TRIM44: variants seen among roughly 807,000 people sequenced by gnomAD.
TRIM44 encodes the protein tripartite motif containing 44, also known as tripartite motif-containing protein 44.
A neutral mutation model predicts 37.4 loss-of-function variants in TRIM44; 13 were observed. The observed-to-expected ratio is 0.35, with a 90% CI of 0.23 to 0.55. The LOEUF is 0.55. Ranked by LOEUF, TRIM44 falls within the 20% of genes least tolerant of loss-of-function variation. The probability of loss-of-function intolerance (pLI) is 0.89; values close to 1 mark genes in which losing one functional copy is unlikely to be tolerated. For missense variants in TRIM44, 426 were observed against 437.2 expected, an observed-to-expected ratio of 0.97 and a Z score of 0.23; for synonymous variants, 175 against 157.2, an observed-to-expected ratio of 1.11 and a Z score of -0.85.
rs373848899 is a variant in TRIM44, at chr11:35,772,892, T to C, written c.1008-33466T>C. On this transcript the variant is annotated intron_variant, in intron 4 of 4. Coordinates refer to ENST00000299413, the MANE Select transcript of TRIM44 (RefSeq NM_017583.6). The stretch of plus-strand genomic sequence containing the variant: ...ATGATTGGTTTTGAAATGTGAGGAC[T>C]TGAGATTTAAAGGGGACAAGGGCAG... Among the ~76,000 whole-genome samples the C allele has an allele frequency of 1.8e-3, 275 of 152,314 alleles. 1 individual carries two copies. The highest frequency in any genetic ancestry group is 6.8e-3 in the Middle Eastern group (2 of 292).
At chr11:35,735,385 A>G in intron 3 of TRIM44, 41 bp from the exon 4 acceptor site, 1 of 1,610,914 alleles carries the variant, frequency 6.2e-7, no homozygotes, top group Non-Finnish European at 8.5e-7. Flanking sequence ...GTCTGTACCA[A>G]CAGTGATTTC....
intron 4 of TRIM44, among the ~76,000 whole-genome samples, chr11:35,803,501 C>A (rs1187532454): frequency 6.6e-6 from 1 of 152,054 alleles, no homozygotes; most frequent in Admixed American, 6.6e-5. Context: ...GAGACTGGGG[C>A]AGGCGGAATC....
rs79105110 is a variant in TRIM44, at chr11:35,792,739, C to G, written c.1008-13619C>G. 5.7e-3 allele frequency among the ~76,000 whole-genome samples: 863 copies of G among 152,290 alleles called. 5 individuals carry two copies. Among genetic ancestry groups the G allele is most frequent in the Non-Finnish European group, 8.7e-3 (594 of 68,024 alleles). ...CTCCAAAGAGCTCAAGTGACAAAGA[C>G]TGACTTTTACAACATAACGGTGCTG... On this transcript the variant is annotated intron_variant, in intron 4 of 4. Transcript: ENST00000299413.
chr11:35,764,784 C>T (rs1415144433), intron 4 of TRIM44, among the ~76,000 whole-genome samples: 1 of 152,096 alleles, frequency 6.6e-6, no homozygotes, highest in Non-Finnish European at 1.5e-5. Flanking sequence ...AACTGTGCTT[C>T]CAGGAAACAG....
chr11:35,797,376 G>A (rs183416513), intron 4 of TRIM44, among the ~76,000 whole-genome samples: 21 of 152,320 alleles, frequency 1.4e-4, no homozygotes, highest in African/African-American at 4.6e-4. Context: ...AATGTATGTA[G>A]ATATTTCACC....
intron 2 of TRIM44, among the ~76,000 whole-genome samples, chr11:35,720,170 G>A (rs995663827): frequency 6.6e-6 from 1 of 152,060 alleles, no homozygotes; most frequent in African/African-American, 2.4e-5. Context: ...TCTCAACATG[G>A]AATGTCTATT....
intron 2 of TRIM44, among the ~76,000 whole-genome samples, chr11:35,708,676 C>G (rs1266415966): frequency 6.6e-6 from 1 of 151,640 alleles, no homozygotes; most frequent in Non-Finnish European, 1.5e-5. Context: ...AAACCAAACA[C>G]TGCATATTCT....
Position 35,808,606 on chromosome 11 carries a change from A to G in TRIM44, c.*2221A>G, listed in dbSNP as rs1156520818. 3.3e-5 allele frequency: 5 copies of G among 152,196 alleles called. No homozygotes were observed. Among genetic ancestry groups the G allele is most frequent in the Admixed American group, 6.5e-5 (1 of 15,278 alleles). 9.4% of individuals were successfully genotyped at this position (152,196 alleles called of 1,614,324 possible). ...AATGGAAATATAAAAATATTTGCCAACCTGTCTCAGTAACTTATCATATCT... is the reference window on the plus strand; with the variant it reads ...AATGGAAATATAAAAATATTTGCCAGCCTGTCTCAGTAACTTATCATATCT... On this transcript the variant is annotated 3_prime_UTR_variant, in exon 5 of 5. Coordinates refer to ENST00000299413, the MANE Select transcript of TRIM44 (RefSeq NM_017583.6).
intron 4 of TRIM44, among the ~76,000 whole-genome samples, chr11:35,781,794 A>G (rs1307235428): frequency 6.6e-6 from 1 of 152,254 alleles, no homozygotes; most frequent in Non-Finnish European, 1.5e-5. Context: ...AACATGGATC[A>G]AGTGGAATAA....
At chr11:35,684,079 A>G (rs1002001603) in intron 1 of TRIM44, among the ~76,000 whole-genome samples, 1 of 152,216 alleles carries the variant, frequency 6.6e-6, no homozygotes, top group African/African-American at 2.4e-5. Flanking sequence ...AGGGTAAGTA[A>G]CTTGCCTAAG....
At chr11:35,713,123 G>A (rs1851999354) in intron 2 of TRIM44, among the ~76,000 whole-genome samples, 1 of 152,128 alleles carries the variant, frequency 6.6e-6, no homozygotes, top group Admixed American at 6.6e-5. Context: ...ACTGCATTTA[G>A]CCAAAGGGCA....
At chr11:35,689,825 T>C (rs1055818445) in intron 2 of TRIM44, among the ~76,000 whole-genome samples, 11 of 152,352 alleles carry the variant, frequency 7.2e-5, no homozygotes, top group East Asian at 1.9e-4. Flanking sequence ...TCAGAAAGCA[T>C]TGAACCAAAA....
At chr11:35,694,939 A>C (rs186850645) in intron 2 of TRIM44, among the ~76,000 whole-genome samples, 8 of 152,320 alleles carry the variant, frequency 5.3e-5, no homozygotes, top group Admixed American at 3.9e-4. Context: ...ATAATAACTT[A>C]GTGTTATAAC....
intron 4 of TRIM44, among the ~76,000 whole-genome samples, chr11:35,803,229 C>T (rs1853392747): frequency 6.6e-6 from 1 of 150,754 alleles, no homozygotes; most frequent in Non-Finnish European, 1.5e-5. Flanking sequence ...TTGGTAAGTA[C>T]CTGCTATAGA....
rs574687068 is a variant in TRIM44, at chr11:35,707,056, T to G, written c.748-18868T>G. 1.8e-3 allele frequency among the ~76,000 whole-genome samples: 276 copies of G among 152,274 alleles called. 2 individuals carry two copies. The highest frequency in any genetic ancestry group is 6.4e-3 in the African/African-American group (265 of 41,540). On this transcript the variant is annotated intron_variant, in intron 2 of 4. Coordinates refer to ENST00000299413, the MANE Select transcript of TRIM44 (RefSeq NM_017583.6). ...AATCTCCTTAAGCTGATAAGCAACT[T>G]CAGCAAATTCTCAGGATACAAAATC...
rs1303698632 is a variant in TRIM44, at chr11:35,726,044, G to A, written c.868G>A (p.Ala290Thr). Residue 290 changes from alanine (A) to threonine (T), a missense_variant, in exon 3 of 5, where the codon GCT (alanine) becomes ACT (threonine). By Grantham distance (58) the Ala-to-Thr change is moderately conservative. Coordinates refer to ENST00000299413, the MANE Select transcript of TRIM44 (RefSeq NM_017583.6). Reference protein sequence around the residue: ...LVDIQEAMATAHVTEILADIQ... With the variant: ...LVDIQEAMATTHVTEILADIQ... ...GGACATCCAAGAGGCAATGGCCACAGCTCATGTGACTGAGATACTGGCAGA... is the reference window on the plus strand; with the variant it reads ...GGACATCCAAGAGGCAATGGCCACAACTCATGTGACTGAGATACTGGCAGA... 6.2e-7 allele frequency: 1 copy of A among 1,614,138 alleles called. No homozygotes were observed. Among genetic ancestry groups the A allele is most frequent in the East Asian group, 2.2e-5 (1 of 44,870 alleles).
chr11:35,679,596 T>C (rs1240851791), intron 1 of TRIM44, among the ~76,000 whole-genome samples: 1 of 152,178 alleles, frequency 6.6e-6, no homozygotes, highest in Non-Finnish European at 1.5e-5. Flanking sequence ...TTGCCTAAAG[T>C]GAGTAGTTGC....
At chr11:35,747,394 C>T (rs1044285068) in intron 4 of TRIM44, among the ~76,000 whole-genome samples, 1 of 152,174 alleles carries the variant, frequency 6.6e-6, no homozygotes, top group Non-Finnish European at 1.5e-5. Context: ...AGTGACTAAG[C>T]CGTGATCACA....
At chr11:35,774,114 C>T (rs755397644) in intron 4 of TRIM44, among the ~76,000 whole-genome samples, 36 of 152,218 alleles carry the variant, frequency 2.4e-4, no homozygotes, top group Non-Finnish European at 4.4e-4. Context: ...CCTATTTCTC[C>T]ACATCCTCTC....
Sources: gnomAD v4.1 joint callset for allele counts (sites outside exome capture counted in the v4.1 genomes callset) on GRCh38, gnomAD v4.1.1 for gene constraint, MANE v1.5 for transcripts, NCBI Gene and HGNC (gene_info 2026-07-23, HGNC 2026-07-21) for gene names.